LRRC37A2: variants seen among roughly 807,000 people sequenced by gnomAD.
The protein encoded by LRRC37A2 is leucine-rich repeat-containing protein 37A2.
LRRC37A2 carries 9 observed loss-of-function variants against 68.8 expected under a neutral mutation model. The ratio of observed to expected loss-of-function variants is 0.13; its 90% CI spans 0.08 to 0.23. The LOEUF is 0.23. LRRC37A2 is among the 10% of genes least tolerant of loss of function. The pLI, the probability that LRRC37A2 is intolerant of heterozygous loss-of-function variation, is 1.00. For synonymous variants in LRRC37A2, 63 were observed against 367.6 expected (o/e 0.17, Z 9.48); for missense variants, 168 against 950.4 (o/e 0.18, Z 10.82).
the LRRC37A2 span, among the ~76,000 whole-genome samples, chr17:46,900,149 T>TTA: frequency 1.1e-5 from 1 of 93,622 alleles, no homozygotes; most frequent in Non-Finnish European, 1.9e-5. Flanking sequence ...TCCCATCCTT[T>TTA]TCTATATATA....
chr17:46,805,988 G>C, the LRRC37A2 span, among the ~76,000 whole-genome samples: 3 of 152,176 alleles, frequency 2.0e-5, no homozygotes, highest in African/African-American at 7.2e-5. Context: ...TTTCTCATCT[G>C]TAGAATGGGG....
At chr17:46,631,080 A>ACACACACACACG in the LRRC37A2 span, among the ~76,000 whole-genome samples, 387 of 144,116 alleles carry the variant, frequency 2.7e-3, 18 homozygotes, top group African/African-American at 0.011. Flanking sequence ...ACACACACAC[A>ACACACACACACG]CACACACACA....
chr17:47,012,407 C>T, the LRRC37A2 span, among the ~76,000 whole-genome samples: 1 of 151,898 alleles, frequency 6.6e-6, no homozygotes, highest in Non-Finnish European at 1.5e-5. Flanking sequence ...AAATTAAAAA[C>T]TTTGGGGCTT....
At chr17:46,539,768 C>CAAAAAGAA (rs2054948510) in intron 6 of LRRC37A2, among the ~76,000 whole-genome samples, 1 of 67,036 alleles carries the variant, frequency 1.5e-5, no homozygotes, top group Non-Finnish European at 2.7e-5. Flanking sequence ...GACTCCATCT[C>CAAAAAGAA]AAAAAAAAAA....
chr17:46,884,378 C>T, the LRRC37A2 span, among the ~76,000 whole-genome samples: 1 of 152,244 alleles, frequency 6.6e-6, no homozygotes, highest in Non-Finnish European at 1.5e-5. Context: ...CCCCGCCCCA[C>T]ACCCAGCCCC....
chr17:46,777,093 C>A, the LRRC37A2 span, among the ~76,000 whole-genome samples: 1 of 152,210 alleles, frequency 6.6e-6, no homozygotes, highest in African/African-American at 2.4e-5. Flanking sequence ...GCCTGTAATC[C>A]CAGCTACCCA....
the LRRC37A2 span, among the ~76,000 whole-genome samples, chr17:46,863,717 C>T: frequency 9.9e-5 from 15 of 152,122 alleles, no homozygotes; most frequent in Non-Finnish European, 1.5e-4. Context: ...GCATGGGGGT[C>T]GGACCGAGTT....
chr17:46,715,824 T>G, the LRRC37A2 span, among the ~76,000 whole-genome samples: 6 of 152,224 alleles, frequency 3.9e-5, no homozygotes, highest in Non-Finnish European at 7.3e-5. Context: ...AGGTAGAGTT[T>G]CAGATGAGTA....
the LRRC37A2 span, among the ~76,000 whole-genome samples, chr17:46,715,791 C>A: frequency 6.6e-6 from 1 of 152,192 alleles, no homozygotes; most frequent in Middle Eastern, 3.2e-3. Flanking sequence ...ATTATTTAAT[C>A]TTCAAATTGT....
chr17:47,000,099 A>AAT, the LRRC37A2 span, among the ~76,000 whole-genome samples: 2 of 134,710 alleles, frequency 1.5e-5, no homozygotes, highest in Non-Finnish European at 1.6e-5. Flanking sequence ...AATAAAATAA[A>AAT]ATAAAATAAA....
At chr17:46,558,903 C>G (rs2057454463), downstream of LRRC37A2, 1 of 107,896 alleles carries the variant, frequency 9.3e-6, no homozygotes, top group Non-Finnish European at 1.8e-5. Flanking sequence ...GTTTTGAACT[C>G]CTGGCCTCAA....
the LRRC37A2 span, chr17:46,851,555 T>G: frequency 1.3e-6 from 1 of 750,834 alleles, no homozygotes; most frequent in Non-Finnish European, 1.8e-6. This position sits in a 1 kb window ranked among gnomAD's most constrained non-coding sequence, Gnocchi z 4.3. Context: ...CCACCCGGGT[T>G]TAAAGTCCCG....
At chr17:46,533,693 G>A (rs983848851) in intron 6 of LRRC37A2, among the ~76,000 whole-genome samples, 2 of 78,350 alleles carry the variant, frequency 2.6e-5, no homozygotes, top group African/African-American at 1.8e-4. Flanking sequence ...GTAGAGACAG[G>A]GTTTCACCAT....
At chr17:46,941,523 G>A in the LRRC37A2 span, 14 of 476,320 alleles carry the variant, frequency 2.9e-5, no homozygotes, top group African/African-American at 2.5e-4. Flanking sequence ...CATATTCCTG[G>A]GGCCTACCCC....
the LRRC37A2 span, among the ~76,000 whole-genome samples, chr17:46,734,218 G>A: frequency 6.6e-6 from 1 of 152,104 alleles, no homozygotes; most frequent in Admixed American, 6.6e-5. Context: ...AATCATGCAG[G>A]CCTAAACATG....
the LRRC37A2 span, among the ~76,000 whole-genome samples, chr17:47,013,155 A>G: frequency 5.9e-5 from 9 of 152,226 alleles, no homozygotes; most frequent in Middle Eastern, 3.2e-3. Flanking sequence ...AGAGTAGGCA[A>G]ATCCATAGAG....
chr17:47,013,038 A>G, the LRRC37A2 span, among the ~76,000 whole-genome samples: 1 of 152,264 alleles, frequency 6.6e-6, no homozygotes, highest in African/African-American at 2.4e-5. Context: ...AGAAAGGAAT[A>G]AAGTATCATT....
the LRRC37A2 span, chr17:46,978,338 T>C: frequency 3.4e-5 from 13 of 384,454 alleles, no homozygotes; most frequent in Non-Finnish European, 6.0e-5. Context: ...CAGTCCCAAA[T>C]TGCATCTCCA....
the LRRC37A2 span, among the ~76,000 whole-genome samples, chr17:47,047,807 T>C: frequency 6.6e-6 from 1 of 151,548 alleles, no homozygotes; most frequent in African/African-American, 2.4e-5. Flanking sequence ...GCTTTTCCAT[T>C]CTTAGACCAT....
Sources: gnomAD v4.1 joint callset for allele counts (sites outside exome capture counted in the v4.1 genomes callset) on GRCh38, gnomAD v4.1.1 for gene constraint, Gnocchi (gnomAD v3.1) non-coding constraint, MANE v1.5 for transcripts, NCBI Gene and HGNC (gene_info 2026-07-23, HGNC 2026-07-21) for gene names.